The following MROH9 variants were observed in gnomAD, a reference collection of about 807,000 sequenced individuals.
MROH9 encodes the protein maestro heat like repeat family member 9, also known as maestro heat-like repeat-containing protein family member 9.
In MROH9, 92 loss-of-function variants were observed where a neutral mutation model predicts 98.2. That is an observed-to-expected ratio of 0.94 (90% CI 0.79 to 1.11). MROH9 has a LOEUF of 1.11. MROH9 is among the 50% of genes most tolerant of loss of function. The pLI is 0.00. For missense variants in MROH9, 1,057 were observed against 1,014.8 expected, an observed-to-expected ratio of 1.04 and a Z score of -0.57; for synonymous variants, 397 against 368.9, an observed-to-expected ratio of 1.08 and a Z score of -0.87.
intron 7 of MROH9, among the ~76,000 whole-genome samples, 189 bp from the exon 8 acceptor site, chr1:170,971,559 T>G (rs947947577): frequency 6.6e-6 from 1 of 152,204 alleles, no homozygotes; most frequent in Admixed American, 6.5e-5. Flanking sequence ...AAAGTGGAAT[T>G]TATTGTCTTC....
At chr1:171,046,211 G>C (rs544212014) in intron 20 of MROH9, among the ~76,000 whole-genome samples, 1 of 152,114 alleles carries the variant, frequency 6.6e-6, no homozygotes, top group South Asian at 2.1e-4. Flanking sequence ...GTTTTCTGTA[G>C]ACTGAACAGA....
chr1:171,010,733 C>T (rs1652122102), intron 15 of MROH9, among the ~76,000 whole-genome samples: 1 of 152,118 alleles, frequency 6.6e-6, no homozygotes, highest in South Asian at 2.1e-4. Flanking sequence ...TAAATGTCTT[C>T]TTTTGAGAAG....
chr1:171,003,873 C>T (rs1366773607), intron 15 of MROH9, among the ~76,000 whole-genome samples: 3 of 151,962 alleles, frequency 2.0e-5, no homozygotes, highest in African/African-American at 7.3e-5. Context: ...GGGGATGGGG[C>T]TAGGTGTGAC....
chr1:170,976,825 T>G (rs1052526414), intron 8 of MROH9, among the ~76,000 whole-genome samples: 4 of 152,216 alleles, frequency 2.6e-5, no homozygotes, highest in African/African-American at 9.6e-5. Context: ...CTGAAATGTT[T>G]CCAAGTTGTT....
At chr1:170,999,275 T>C (rs1470818899) in intron 15 of MROH9, among the ~76,000 whole-genome samples, 2 of 152,110 alleles carry the variant, frequency 1.3e-5, no homozygotes, top group Non-Finnish European at 2.9e-5. Context: ...CTGAGCAGCA[T>C]ACACTGCACA....
chr1:170,939,261 A>G (rs1420365334), intron 1 of MROH9, among the ~76,000 whole-genome samples: 1 of 152,240 alleles, frequency 6.6e-6, no homozygotes, highest in Non-Finnish European at 1.5e-5. Context: ...GAATCAGTAT[A>G]TAATCACACA....
chr1:170,983,336 C>A, intron 8 of MROH9, 86 bp from the exon 9 acceptor site: 1 of 887,634 alleles, frequency 1.1e-6, no homozygotes, highest in Non-Finnish European at 1.8e-6. Context: ...CAGAACTGGG[C>A]AGGAAAAGAA....
At chr1:170,957,805 TTTTTGTTTGTTTG>T (rs1232754791) in intron 3 of MROH9, among the ~76,000 whole-genome samples, 5 of 143,194 alleles carry the variant, frequency 3.5e-5, no homozygotes, top group South Asian at 2.2e-4. Context: ...GTTTTTTTTT[TTTTTGTTTGTTTG>T]TTTTTTTTGA....
intron 3 of MROH9, among the ~76,000 whole-genome samples, chr1:170,953,121 T>G (rs914519663): frequency 1.3e-5 from 2 of 152,166 alleles, no homozygotes; most frequent in African/African-American, 4.8e-5. Flanking sequence ...GAATACTTCC[T>G]TAAACTATTG....
intron 8 of MROH9, among the ~76,000 whole-genome samples, chr1:170,979,895 A>G (rs1650858687): frequency 6.6e-6 from 1 of 152,050 alleles, no homozygotes; most frequent in South Asian, 2.1e-4. Flanking sequence ...GCAAAATCTC[A>G]ATACAAAATC....
At position 170,972,837 on chromosome 1, in the gene MROH9, C is replaced by CAT. The variant is rs1210953635; in HGVS notation, c.616+955_616+956insTA. 5.8e-4 allele frequency among the ~76,000 whole-genome samples: 83 copies of CAT among 143,742 alleles called. 1 individual carries two copies. The highest frequency in any genetic ancestry group is 2.0e-3 in the African/African-American group (70 of 34,894). The allele number at this position is 143,742 out of a possible 152,430, so 94.3% of individuals were successfully genotyped here. A position where few individuals can be genotyped will look rare whatever the true frequency, so the allele number is the denominator to read the frequency against. On this transcript the variant is annotated intron_variant, in intron 8 of 21. Transcript: ENST00000367759. The stretch of plus-strand genomic sequence containing the variant: ...AAAAAAAAAAAAAAAAATACACACA[C>CAT]ACACACACACACACACACACACAGA...
intron 15 of MROH9, chr1:170,998,490 T>C: frequency 6.7e-7 from 1 of 1,499,520 alleles, no homozygotes; most frequent in South Asian, 1.4e-5. Context: ...CAGTTGGTTT[T>C]TCTCTGTTTC....
chr1:170,943,938 G>A (rs1649220738), intron 1 of MROH9, among the ~76,000 whole-genome samples: 1 of 151,902 alleles, frequency 6.6e-6, no homozygotes, highest in African/African-American at 2.4e-5. Context: ...AAGACATAAA[G>A]GAAGTAGGAT....
intron 3 of MROH9, among the ~76,000 whole-genome samples, chr1:170,956,582 CTTTTTTTTTTTTGTT>C (rs1478821211): frequency 8.7e-6 from 1 of 114,934 alleles, no homozygotes; most frequent in Non-Finnish European, 1.8e-5. Context: ...TTTCTCTTTC[CTTTTTTTTTTTTGTT>C]TTTTTTTTTT....
rs181557540 is a variant in MROH9, at chr1:171,054,186, T to G, written c.2282-7946T>G. Among the ~76,000 whole-genome samples, 53 of 152,238 alleles carry G rather than the reference T, an allele frequency of 3.5e-4. 1 individual carries two copies. The East Asian group carries it at 9.8e-3, about 28-fold the overall frequency. On this transcript the variant is annotated intron_variant, in intron 20 of 21. Coordinates refer to ENST00000367759, the MANE Select transcript of MROH9 (RefSeq NM_001163629.2). ...AACAATAAATAATTAGAAGCTTAAT[T>G]TTTAGACCAATGAAGCAGAATAGAG...
At chr1:171,047,876 C>A (rs1431893178) in intron 20 of MROH9, among the ~76,000 whole-genome samples, 1 of 152,178 alleles carries the variant, frequency 6.6e-6, no homozygotes, top group East Asian at 1.9e-4. Flanking sequence ...ATCCCCAAGC[C>A]AAGTAACACT....
intron 11 of MROH9, among the ~76,000 whole-genome samples, chr1:170,991,651 CATT>C (rs1159969404): frequency 3.3e-5 from 5 of 152,142 alleles, no homozygotes; most frequent in Non-Finnish European, 7.3e-5. Context: ...CTGTGTCACT[CATT>C]GTGTGACATT....
At chr1:170,963,947 A>G (rs562641559) in intron 6 of MROH9, among the ~76,000 whole-genome samples, 5 of 152,222 alleles carry the variant, frequency 3.3e-5, no homozygotes, top group Admixed American at 2.0e-4. Flanking sequence ...AACTTAAAAT[A>G]AAAGTTAAAA....
At chr1:170,989,489 A>G (rs567580174) in intron 10 of MROH9, among the ~76,000 whole-genome samples, 3 of 152,318 alleles carry the variant, frequency 2.0e-5, no homozygotes, top group African/African-American at 4.8e-5. Context: ...TGAAGTATAC[A>G]CTGTAGCTCC....
Sources: gnomAD v4.1 joint callset for allele counts (sites outside exome capture counted in the v4.1 genomes callset) on GRCh38, gnomAD v4.1.1 for gene constraint, MANE v1.5 for transcripts, NCBI Gene and HGNC (gene_info 2026-07-23, HGNC 2026-07-21) for gene names.